Variants in PITRM1 observed in about 807,000 individuals in gnomAD.
The protein encoded by PITRM1 is presequence protease, mitochondrial.
In PITRM1, 100 loss-of-function variants were observed where a neutral mutation model predicts 129.9. The observed-to-expected ratio is 0.77, with a 90% CI of 0.65 to 0.91. PITRM1 has a LOEUF of 0.91. Ranked by LOEUF, PITRM1 falls within the 40% of genes least tolerant of loss-of-function variation. The probability of loss-of-function intolerance (pLI) is 0.00; values close to 1 mark genes in which losing one functional copy is unlikely to be tolerated. For missense variants in PITRM1, 1,471 were observed against 1,318.3 expected, an observed-to-expected ratio of 1.12 and a Z score of -1.79; for synonymous variants, 591 against 508.8, an observed-to-expected ratio of 1.16 and a Z score of -2.17.
At chr10:3,140,564 A>G (rs1840083525) in intron 24 of PITRM1, 123 bp downstream of exon 24, 1 of 878,086 alleles carries the variant, frequency 1.1e-6, no homozygotes, top group Non-Finnish European at 1.7e-6. Context: ...AGGAGTGAAA[A>G]GAAGCACACA....
intron 1 of PITRM1, chr10:3,172,360 G>C (rs1005953816): frequency 6.1e-6 from 3 of 488,922 alleles, no homozygotes; most frequent in Non-Finnish European, 1.1e-5. Flanking sequence ...TAAGGACTCG[G>C]CCTCCCAACA....
chr10:3,149,976 G>A (rs918324774), intron 15 of PITRM1, among the ~76,000 whole-genome samples: 2 of 152,140 alleles, frequency 1.3e-5, no homozygotes, highest in Middle Eastern at 6.8e-3. Context: ...CGGAAGGATG[G>A]AACCACGAAC....
chr10:3,166,574 G>C, intron 3 of PITRM1, among the ~76,000 whole-genome samples, 194 bp from the exon 4 acceptor site: 1 of 152,170 alleles, frequency 6.6e-6, no homozygotes, highest in East Asian at 1.9e-4. Context: ...TTATAAGTCA[G>C]TGTAAACTTT....
At chr10:3,160,393 T>C in intron 7 of PITRM1, 63 bp from the exon 8 acceptor site, 6 of 1,337,686 alleles carry the variant, frequency 4.5e-6, no homozygotes, top group Non-Finnish European at 6.4e-6. Context: ...TCAAGTGCTG[T>C]CTGTTTCACT....
chr10:3,170,666 T>C (rs1337905839), intron 1 of PITRM1, among the ~76,000 whole-genome samples: 1 of 152,122 alleles, frequency 6.6e-6, no homozygotes, highest in African/African-American at 2.4e-5. Flanking sequence ...GAGTACAAAG[T>C]GGAATAACTT....
At chr10:3,172,359 G>C (rs575903371) in intron 1 of PITRM1, 2 of 486,970 alleles carry the variant, frequency 4.1e-6, no homozygotes, top group Non-Finnish European at 7.7e-6. Flanking sequence ...TTAAGGACTC[G>C]GCCTCCCAAC....
In PITRM1 at chr10:3,143,410, T is replaced by G; in HGVS notation, c.2624A>C (p.Tyr875Ser). The change falls in exon 23 of 27, where the codon TAC (tyrosine) becomes TCC (serine). Residue 875 changes from tyrosine to serine, a missense_variant. Tyr to Ser is a moderately radical substitution (Grantham distance 144). Coordinates refer to ENST00000224949, the MANE Select transcript of PITRM1 (RefSeq NM_014889.4). ...CTACCTGGCATGATCTGGGTCCGTGTAGGGGACAGTTCGGATGCATTCACC... is the reference window on the plus strand; with the variant it reads ...CTACCTGGCATGATCTGGGTCCGTGGAGGGGACAGTTCGGATGCATTCACC... ...YVGECIRTVP[Y>S]TDPDHASLKI... 1 of 1,611,410 alleles carries G rather than the reference T, an allele frequency of 6.2e-7. No homozygotes were observed. The highest frequency in any genetic ancestry group is 8.5e-7 in the Non-Finnish European group (1 of 1,177,546).
In PITRM1 at chr10:3,160,973, C is replaced by T. The variant is rs57185428; in HGVS notation, c.792-643G>A. On this transcript the variant is annotated intron_variant, in intron 7 of 26. Transcript: ENST00000224949. ...ATAGGGTTTCACCATGTTGGTTAGG[C>T]TGGTCTCGAACTCCTGACCTCAGGT... Among the ~76,000 whole-genome samples the T allele has an allele frequency of 7.0e-3, 1,059 of 152,262 alleles. 7 individuals are homozygous for T. The highest frequency in any genetic ancestry group is 0.024 in the African/African-American group (1,008 of 41,526).
chr10:3,153,813 A>AT (rs1841734122), intron 14 of PITRM1, among the ~76,000 whole-genome samples: 1 of 152,196 alleles, frequency 6.6e-6, no homozygotes, highest in African/African-American at 2.4e-5. Flanking sequence ...AAGCCTGACA[A>AT]TTTCTCACAG....
chr10:3,157,825 C>T (rs1203284996), intron 11 of PITRM1, among the ~76,000 whole-genome samples: 2 of 152,094 alleles, frequency 1.3e-5, no homozygotes, highest in East Asian at 3.9e-4. Flanking sequence ...GGTGACAAAG[C>T]GAGACCCTGT....
At position 3,172,575 on chromosome 10, in the gene PITRM1, G is replaced by C. The variant is rs968740896; in HGVS notation, c.56+142C>G. On this transcript the variant is annotated intron_variant, in intron 1 of 26. Coordinates refer to ENST00000224949, the MANE Select transcript of PITRM1 (RefSeq NM_014889.4). ...GCCTCGGATGCGGGAGCTCCAGGAAGGGCTCGGGGTGCGGGACGCCCACAG... is the reference window on the plus strand; with the variant it reads ...GCCTCGGATGCGGGAGCTCCAGGAACGGCTCGGGGTGCGGGACGCCCACAG... 9.8e-4 allele frequency: 705 copies of C among 721,784 alleles called. 8 individuals are homozygous for C. Among genetic ancestry groups the C allele is most frequent in the Non-Finnish European group, 1.3e-4 (61 of 470,570 alleles). The allele number at this position is 721,784 out of a possible 1,614,324, so 44.7% of individuals were successfully genotyped here.
At chr10:3,163,988 T>A in intron 6 of PITRM1, 103 bp from the exon 7 acceptor site, 1 of 659,626 alleles carries the variant, frequency 1.5e-6, no homozygotes, top group Non-Finnish European at 2.4e-6. Flanking sequence ...TGCATACACC[T>A]GTAATACTTT....
intron 2 of PITRM1, among the ~76,000 whole-genome samples, chr10:3,169,703 C>A (rs1588730140): frequency 6.6e-6 from 1 of 152,208 alleles, no homozygotes; most frequent in East Asian, 1.9e-4. Flanking sequence ...CCGAATGGCT[C>A]AGAAAACTGA....
intron 9 of PITRM1, 95 bp downstream of exon 9, chr10:3,159,753 T>C: frequency 1.4e-6 from 1 of 710,904 alleles, no homozygotes. Flanking sequence ...CGTATATTAA[T>C]TAACATTCAA....
intron 14 of PITRM1, among the ~76,000 whole-genome samples, chr10:3,155,142 C>T (rs905786071): frequency 2.0e-5 from 3 of 152,158 alleles, no homozygotes; most frequent in Non-Finnish European, 4.4e-5. Flanking sequence ...TCCATGCCCA[C>T]CGCTCCACCA....
At chr10:3,149,477 A>G (rs963312659) in intron 16 of PITRM1, 144 bp downstream of exon 16, 28 of 750,532 alleles carry the variant, frequency 3.7e-5, no homozygotes, top group Middle Eastern at 4.0e-4. Context: ...AAAAATTCTA[A>G]ACCAATATAT....
rs572834490 is a variant in PITRM1, at chr10:3,141,712, C to T, written c.2646-900G>A. On this transcript the variant is annotated intron_variant, in intron 23 of 26. Coordinates refer to ENST00000224949, the MANE Select transcript of PITRM1 (RefSeq NM_014889.4). ...GCCCGTGGTGAGATCAGCCCCAGGT[C>T]GCCGCTTCCACAGACAGGCCTTTTC... 1.5e-4 allele frequency: 70 copies of T among 466,782 alleles called. 1 individual carries two copies. Among genetic ancestry groups the T allele is most frequent in the South Asian group, 1.0e-3 (66 of 63,938 alleles). The allele number at this position is 466,782 out of a possible 1,614,324, so 28.9% of individuals were successfully genotyped here.
At position 3,165,247 on chromosome 10, in the gene PITRM1, C is replaced by G; in HGVS notation, c.621G>C (p.Lys207Asn). ...AAGGAAGAAAACTTACAAACGCTCCCTTCATCTCATTAAAGACGACTCCTT... is the reference window on the plus strand; with the variant it reads ...AAGGAAGAAAACTTACAAACGCTCCGTTCATCTCATTAAAGACGACTCCTT... ...VFKGVVFNEM[K>N]GAFTDNERIF... The change falls in exon 6 of 27, where the codon AAG (lysine) becomes AAC (asparagine). Residue 207 changes from lysine (K) to asparagine (N), a missense_variant. Coordinates refer to ENST00000224949, the MANE Select transcript of PITRM1 (RefSeq NM_014889.4). 1 of 1,566,284 alleles carries G rather than the reference C, an allele frequency of 6.4e-7. No homozygotes were observed.
chr10:3,139,456 A>G (rs1262815090), intron 24 of PITRM1, among the ~76,000 whole-genome samples: 1 of 152,222 alleles, frequency 6.6e-6, no homozygotes, highest in Non-Finnish European at 1.5e-5. Context: ...AGGGTAGTAC[A>G]GGAATCAGCC....
Sources: gnomAD v4.1 joint callset for allele counts (sites outside exome capture counted in the v4.1 genomes callset) on GRCh38, gnomAD v4.1.1 for gene constraint, MANE v1.5 for transcripts, NCBI Gene and HGNC (gene_info 2026-07-23, HGNC 2026-07-21) for gene names.